Variants in TCERG1 observed in about 807,000 individuals in gnomAD.
TCERG1 encodes transcription elongation regulator 1.
Under a neutral mutation model 144.7 loss-of-function variants are expected in TCERG1, and 37 were observed. The ratio of observed to expected loss-of-function variants is 0.26; its 90% CI spans 0.20 to 0.34. The LOEUF (loss-of-function observed/expected upper bound fraction) is 0.34, where lower values mean the gene tolerates loss of function less well. Among genes scored for constraint, TCERG1 ranks in the 10% least tolerant of loss-of-function variants. The pLI is 1.00. For missense variants in TCERG1, 1,027 were observed against 1,380.7 expected (o/e 0.74, Z 4.06); for synonymous variants, 492 against 458.2 (o/e 1.07, Z -0.94).
At chr5:146,489,881 T>G (rs191887191) in intron 15 of TCERG1, among the ~76,000 whole-genome samples, 2 of 152,208 alleles carry the variant, frequency 1.3e-5, no homozygotes, top group Admixed American at 1.3e-4. Context: ...TGACACAAAT[T>G]AGGAGCAACT....
chr5:146,468,228 T>C, intron 5 of TCERG1, 113 bp from the exon 6 acceptor site: 2 of 881,372 alleles, frequency 2.3e-6, no homozygotes, highest in East Asian at 3.1e-5. Context: ...TCTTGGTCTT[T>C]TTCATTGGAA....
chr5:146,454,569 G>GTT (rs55714513), intron 1 of TCERG1, among the ~76,000 whole-genome samples: 70 of 146,950 alleles, frequency 4.8e-4, no homozygotes, highest in East Asian at 9.9e-4. Context: ...ATTGATGTAA[G>GTT]TTTTTTTTTT....
chr5:146,494,759 G>A (rs913947890), intron 16 of TCERG1, among the ~76,000 whole-genome samples: 2 of 151,954 alleles, frequency 1.3e-5, no homozygotes, highest in East Asian at 1.9e-4. Context: ...TTGTTCCAAC[G>A]GGAAAGAAAG....
intron 1 of TCERG1, 115 bp from the exon 2 acceptor site, chr5:146,454,941 T>C: frequency 8.8e-7 from 1 of 1,142,590 alleles, no homozygotes; most frequent in Non-Finnish European, 1.2e-6. Context: ...ATGATGACTT[T>C]CCAACTCCAC....
At chr5:146,454,195 G>C (rs2150201368) in intron 1 of TCERG1, among the ~76,000 whole-genome samples, 1 of 139,532 alleles carries the variant, frequency 7.2e-6, no homozygotes, top group South Asian at 2.3e-4. Context: ...GTGAGACTTG[G>C]TCTCAAAAAA....
At chr5:146,498,765 C>A (rs1767164268) in intron 17 of TCERG1, 79 bp downstream of exon 17, 5 of 1,431,464 alleles carry the variant, frequency 3.5e-6, no homozygotes, top group Non-Finnish European at 2.8e-6. Context: ...ATGTTTCTAA[C>A]CTTATTCATT....
chr5:146,503,456 G>A lies in TCERG1; in HGVS notation c.2515G>A (p.Glu839Lys). 1 of 1,613,904 alleles carries A rather than the reference G, an allele frequency of 6.2e-7. No homozygotes were observed. Among genetic ancestry groups the A allele is most frequent in the Non-Finnish European group, 8.5e-7 (1 of 1,179,884 alleles). The change falls in exon 18 of 23, where the codon GAA becomes AAA. Residue 839 changes from glutamate (E) to lysine (K), a missense_variant. This residue lies in a region of TCERG1 where 482 missense variants were observed against 632.6 expected (regional missense o/e 0.76). Coordinates refer to ENST00000679501, the MANE Select transcript of TCERG1 (RefSeq NM_001382548.1). ...SRWSKVKDKV[E>K]SDPRYKAVDS... ...ATGGAGCAAAGTAAAAGACAAAGTA[G>A]AAAGTGATCCACGTTACAAAGCAGT...
chr5:146,491,596 C>T (rs1488925143), intron 15 of TCERG1, among the ~76,000 whole-genome samples: 1 of 152,148 alleles, frequency 6.6e-6, no homozygotes, highest in East Asian at 1.9e-4. Flanking sequence ...GCACAGATCT[C>T]TCTGCTTCGG....
intron 1 of TCERG1, among the ~76,000 whole-genome samples, chr5:146,451,787 T>A (rs1377984227): frequency 6.0e-5 from 9 of 149,438 alleles, no homozygotes; most frequent in African/African-American, 1.5e-4. Flanking sequence ...TTTTTTTTTT[T>A]AATTTTTTAA....
chr5:146,457,442 G>A (rs1403385388), intron 3 of TCERG1, 107 bp downstream of exon 3: 1 of 1,108,532 alleles, frequency 9.0e-7, no homozygotes, highest in African/African-American at 1.6e-5. Context: ...AATGAGCCCT[G>A]GGTGAGCAGG....
In TCERG1 at chr5:146,459,295, T is replaced by G; in HGVS notation, c.850T>G (p.Ser284Ala). The G allele has an allele frequency of 6.2e-7, 1 of 1,614,204 alleles. No homozygotes were observed. The highest frequency in any genetic ancestry group is 8.5e-7 in the Non-Finnish European group (1 of 1,180,022). ...ATCATCCACCCCTTCCTCTACCACTTCTACCACAACAACTGCTACTTCAGT... is the reference window on the plus strand; with the variant it reads ...ATCATCCACCCCTTCCTCTACCACTGCTACCACAACAACTGCTACTTCAGT... ...TSSSTPSSTTSTTTTATSVAQ... is the reference protein window; with the variant it reads ...TSSSTPSSTTATTTTATSVAQ... The change falls in exon 4 of 23, where the codon TCT becomes GCT. Residue 284 changes from serine (S) to alanine (A), a missense_variant. Coordinates refer to ENST00000679501, the MANE Select transcript of TCERG1 (RefSeq NM_001382548.1).
At chr5:146,476,576 T>C (rs1388736500) in intron 9 of TCERG1, among the ~76,000 whole-genome samples, 1 of 152,202 alleles carries the variant, frequency 6.6e-6, no homozygotes, top group Admixed American at 6.5e-5. Context: ...ATGGAAAATA[T>C]TTACTTGGTT....
chr5:146,504,902 C>T (rs1026154555), intron 19 of TCERG1, among the ~76,000 whole-genome samples: 4 of 151,906 alleles, frequency 2.6e-5, no homozygotes, highest in South Asian at 2.1e-4. Context: ...CAAAATTAGC[C>T]GGGTGTGGTG....
intron 1 of TCERG1, among the ~76,000 whole-genome samples, chr5:146,448,609 G>GT (rs1762100397): frequency 6.6e-6 from 1 of 152,218 alleles, no homozygotes; most frequent in Admixed American, 6.5e-5. Context: ...ATGAAATTGT[G>GT]TAAGGAAATG....
chr5:146,470,513 G>T, intron 7 of TCERG1, 123 bp from the exon 8 acceptor site: 2 of 748,624 alleles, frequency 2.7e-6, no homozygotes, highest in Non-Finnish European at 4.2e-6. Flanking sequence ...AAGATATAAG[G>T]AAAGACATTT....
chr5:146,470,161 T>C (rs1764156617), intron 7 of TCERG1, among the ~76,000 whole-genome samples: 1 of 152,144 alleles, frequency 6.6e-6, no homozygotes. Flanking sequence ...CACAAGCTGC[T>C]ATTATTATTG....
chr5:146,461,393 A>G (rs987132499), intron 4 of TCERG1, among the ~76,000 whole-genome samples: 3 of 152,108 alleles, frequency 2.0e-5, no homozygotes, highest in Non-Finnish European at 4.4e-5. Context: ...TTTAGTTAAG[A>G]TCTGAGGCTG....
chr5:146,492,397 C>T (rs1471783033), intron 15 of TCERG1, among the ~76,000 whole-genome samples: 3 of 151,992 alleles, frequency 2.0e-5, no homozygotes, highest in African/African-American at 7.2e-5. Flanking sequence ...AAAAGAAGTT[C>T]TTCTGTCATT....
Position 146,463,638 on chromosome 5 carries a change from C to T in TCERG1, c.980C>T (p.Thr327Ile), listed in dbSNP as rs752634869. ...VSVSTPAPTA[T>I]PVQTVPQPHP... ...GTTTCAACTCCTGCTCCTACAGCCA[C>T]ACCTGTGCAAACCGTTCCCCAGCCG... The change falls in exon 5 of 23, where the codon ACA (threonine) becomes ATA (isoleucine). Residue 327 changes from threonine (T) to isoleucine (I), a missense_variant. This residue lies in a region of TCERG1 where 187 missense variants were observed against 169.1 expected (regional missense o/e 1.11). Transcript: ENST00000679501. 2 of 1,614,222 alleles carry T rather than the reference C, an allele frequency of 1.2e-6. No individual in the cohort carries two copies. The highest frequency in any genetic ancestry group is 4.5e-5 in the East Asian group (2 of 44,880).
Sources: gnomAD v4.1 joint callset for allele counts (sites outside exome capture counted in the v4.1 genomes callset) on GRCh38, gnomAD v4.1.1 for gene constraint, gnomAD v4.1.1 regional missense constraint, MANE v1.5 for transcripts, NCBI Gene and HGNC (gene_info 2026-07-23, HGNC 2026-07-21) for gene names.